The following ADGRG6 variants were observed in gnomAD, a reference collection of about 807,000 sequenced individuals.
The protein encoded by ADGRG6 is adhesion G protein-coupled receptor G6, also known as G-protein coupled receptor 126.
Under a neutral mutation model 142.4 loss-of-function variants are expected in ADGRG6, and 84 were observed. The observed-to-expected ratio is 0.59, with a 90% CI of 0.49 to 0.71. The LOEUF is 0.71. Among genes scored for constraint, ADGRG6 ranks in the 30% least tolerant of loss-of-function variants. The pLI is 0.00. For missense variants in ADGRG6, 1,367 were observed against 1,466.6 expected, an observed-to-expected ratio of 0.93 and a Z score of 1.11; for synonymous variants, 521 against 520.5, an observed-to-expected ratio of 1.00 and a Z score of -0.01.
chr6:142,407,438 C>G (rs1775865496), intron 15 of ADGRG6, among the ~76,000 whole-genome samples: 2 of 151,944 alleles, frequency 1.3e-5, no homozygotes, highest in South Asian at 4.1e-4. Context: ...TATTCCAAAA[C>G]AACTGATTTG....
At chr6:142,328,064 C>G (rs781774030) in intron 2 of ADGRG6, among the ~76,000 whole-genome samples, 1 of 152,074 alleles carries the variant, frequency 6.6e-6, no homozygotes, top group Non-Finnish European at 1.5e-5. Context: ...AAAACAGAAA[C>G]AAAACAGAAC....
At chr6:142,321,968 T>G (rs1778541110) in intron 2 of ADGRG6, among the ~76,000 whole-genome samples, 1 of 152,164 alleles carries the variant, frequency 6.6e-6, no homozygotes, top group African/African-American at 2.4e-5. Flanking sequence ...ACGTGCTAGC[T>G]TTCTAAAACA....
intron 6 of ADGRG6, 46 bp downstream of exon 6, chr6:142,383,889 A>T (rs745369352): frequency 2.1e-6 from 2 of 945,240 alleles, no homozygotes; most frequent in Non-Finnish European, 3.4e-6. Context: ...CTAACATAAA[A>T]AATTGTATTC....
At chr6:142,377,473 A>G (rs538913328) in intron 4 of ADGRG6, among the ~76,000 whole-genome samples, 1 of 152,342 alleles carries the variant, frequency 6.6e-6, no homozygotes, top group East Asian at 1.9e-4. Context: ...CATCTGCACG[A>G]AAGCATCTGA....
chr6:142,398,892 CAAT>C (rs1047984018), intron 10 of ADGRG6, among the ~76,000 whole-genome samples: 11 of 152,054 alleles, frequency 7.2e-5, no homozygotes, highest in Non-Finnish European at 1.5e-4. Flanking sequence ...ATTCTGTAAA[CAAT>C]AATCTCTGAC....
Position 142,316,511 on chromosome 6 carries a change from T to C in ADGRG6, c.103+6867T>C, listed in dbSNP as rs11968056. On this transcript the variant is annotated intron_variant, in intron 2 of 24. Transcript: ENST00000367609. ...TAAAGAGAATTATTGAAGTAAAATA[T>C]AGATCTGGAGGAAAAAAATACTCTG... Among the ~76,000 whole-genome samples the C allele has an allele frequency of 8.1e-3, 1,235 of 152,302 alleles. 21 individuals carry two copies. Among genetic ancestry groups the C allele is most frequent in the East Asian group, 0.059 (305 of 5,178 alleles).
intron 22 of ADGRG6, among the ~76,000 whole-genome samples, chr6:142,427,431 G>T (rs1023532801): frequency 1.1e-4 from 17 of 152,084 alleles, no homozygotes; most frequent in African/African-American, 3.9e-4. Context: ...CCTCAGCCTT[G>T]ACCTTATTGT....
At chr6:142,432,512 C>A (rs538110171) in intron 22 of ADGRG6, among the ~76,000 whole-genome samples, 1 of 152,012 alleles carries the variant, frequency 6.6e-6, no homozygotes, top group African/African-American at 2.4e-5. Context: ...TAATTTTGTT[C>A]CATAGCGTCA....
intron 6 of ADGRG6, among the ~76,000 whole-genome samples, chr6:142,385,949 G>A (rs1379160736): frequency 2.0e-5 from 3 of 152,114 alleles, no homozygotes; most frequent in Non-Finnish European, 4.4e-5. Context: ...TTTATTTACT[G>A]TAAGAAAGAT....
At chr6:142,340,491 T>A (rs1378786043) in intron 2 of ADGRG6, among the ~76,000 whole-genome samples, 2 of 152,112 alleles carry the variant, frequency 1.3e-5, no homozygotes, top group Non-Finnish European at 2.9e-5. Context: ...TATGTACACA[T>A]AGCTATATAA....
intron 13 of ADGRG6, among the ~76,000 whole-genome samples, chr6:142,403,054 A>T (rs1337850042): frequency 6.6e-6 from 1 of 152,006 alleles, no homozygotes; most frequent in Admixed American, 6.5e-5. Flanking sequence ...AGCCCTAGAA[A>T]GCATAAGCAG....
intron 1 of ADGRG6, among the ~76,000 whole-genome samples, chr6:142,305,282 A>C (rs1360027039): frequency 6.6e-6 from 1 of 152,168 alleles, no homozygotes; most frequent in Non-Finnish European, 1.5e-5. Context: ...AATCATTTTA[A>C]ATCTACAGGA....
intron 2 of ADGRG6, among the ~76,000 whole-genome samples, chr6:142,321,521 AG>A (rs1483587497): frequency 6.6e-6 from 1 of 152,102 alleles, no homozygotes; most frequent in Non-Finnish European, 1.5e-5. Context: ...TCAGCAAAAA[AG>A]GAATGAACTA....
At chr6:142,317,786 A>AT (rs1361146635) in intron 2 of ADGRG6, among the ~76,000 whole-genome samples, 2 of 93,900 alleles carry the variant, frequency 2.1e-5, no homozygotes, top group East Asian at 2.6e-4. Flanking sequence ...ATATATTTAT[A>AT]TATAATATAT....
At chr6:142,340,592 G>A (rs1049973468) in intron 2 of ADGRG6, among the ~76,000 whole-genome samples, 9 of 152,020 alleles carry the variant, frequency 5.9e-5, no homozygotes, top group African/African-American at 2.2e-4. Context: ...AAATTCAAAG[G>A]AATATATCCT....
chr6:142,418,369 C>T (rs542832585), intron 21 of ADGRG6, among the ~76,000 whole-genome samples: 3 of 150,388 alleles, frequency 2.0e-5, no homozygotes, highest in African/African-American at 7.3e-5. Context: ...TCTTCACAGT[C>T]TTGCCATCTC....
At chr6:142,309,111 C>G (rs1777638332) in intron 1 of ADGRG6, among the ~76,000 whole-genome samples, 1 of 151,766 alleles carries the variant, frequency 6.6e-6, no homozygotes, top group African/African-American at 2.4e-5. Flanking sequence ...AAGCAGCAGA[C>G]ATTAAAGAAA....
chr6:142,307,214 A>T (rs1777543689), intron 1 of ADGRG6, among the ~76,000 whole-genome samples: 1 of 152,146 alleles, frequency 6.6e-6, no homozygotes, highest in Non-Finnish European at 1.5e-5. Context: ...GATGAAAGAT[A>T]ATTGTCGTAT....
chr6:142,373,322 T>C (rs1781341544), intron 4 of ADGRG6, among the ~76,000 whole-genome samples: 2 of 151,748 alleles, frequency 1.3e-5, no homozygotes, highest in Admixed American at 1.3e-4. Flanking sequence ...AAGAGCCATC[T>C]CTCTGGCCAG....
Sources: gnomAD v4.1 joint callset for allele counts (sites outside exome capture counted in the v4.1 genomes callset) on GRCh38, gnomAD v4.1.1 for gene constraint, MANE v1.5 for transcripts, NCBI Gene and HGNC (gene_info 2026-07-23, HGNC 2026-07-21) for gene names.